Variants in NANOS3 observed in about 807,000 individuals in gnomAD.
NANOS3 encodes nanos C2HC-type zinc finger 3.
In NANOS3, 11 loss-of-function variants were observed where a neutral mutation model predicts 13.8. That is an observed-to-expected ratio of 0.80 (90% CI 0.50 to 1.32). The LOEUF is 1.32. NANOS3 is among the 40% of genes most tolerant of loss of function. The pLI, the probability that NANOS3 is intolerant of heterozygous loss-of-function variation, is 0.00. For missense variants in NANOS3, 221 were observed against 263.8 expected (o/e 0.84, Z 1.12); for synonymous variants, 119 against 115.4 (o/e 1.03, Z -0.20).
intron 1 of NANOS3, among the ~76,000 whole-genome samples, chr19:13,868,161 C>T (rs551931600): frequency 6.6e-6 from 1 of 151,856 alleles, no homozygotes; most frequent in Admixed American, 6.6e-5. Flanking sequence ...CAGGTTCAAG[C>T]GATTCTCCTG....
chr19:13,875,079 T>C, upstream of NANOS3: 1 of 402,574 alleles, frequency 2.5e-6, no homozygotes, highest in Non-Finnish European at 5.1e-6. Flanking sequence ...ACCACTCCTC[T>C]TTGGAGAGGA....
At chr19:13,873,859 C>T (rs1829258292), upstream of NANOS3, among the ~76,000 whole-genome samples, 1 of 111,928 alleles carries the variant, frequency 8.9e-6, no homozygotes, top group Admixed American at 1.0e-4. Flanking sequence ...GCTTGGCTTG[C>T]GGGGGGTGGG....
rs983969890 is a variant in NANOS3, at chr19:13,867,018, C to T, written n.21+1581C>T. Among the ~76,000 whole-genome samples, 9 of 152,088 alleles carry T rather than the reference C, an allele frequency of 5.9e-5. 1 individual carries two copies. The South Asian group carries it at 6.2e-4, about 11-fold the overall frequency. On this transcript the variant is annotated intron_variant and non_coding_transcript_variant, in intron 1 of 2. Coordinates refer to the NANOS3 transcript ENST00000591161. Reference sequence around the variant, plus strand: ...CTCTTGGCTGCCCAGGTTGGAATGCCGTGGCACGATCTCCCGGATTCAAGC... The same window carrying T: ...CTCTTGGCTGCCCAGGTTGGAATGCTGTGGCACGATCTCCCGGATTCAAGC...
At chr19:13,874,536 A>G (rs560847486), upstream of NANOS3, among the ~76,000 whole-genome samples, 1 of 152,300 alleles carries the variant, frequency 6.6e-6, no homozygotes, top group Non-Finnish European at 1.5e-5. Context: ...TTTATTTACT[A>G]GCATTTATAT....
Position 13,880,484 on chromosome 19 carries a change from C to G in NANOS3, c.560C>G (p.Ser187Cys). The G allele has an allele frequency of 1.9e-6, 3 of 1,613,960 alleles. No individual in the cohort carries two copies. The highest frequency in any genetic ancestry group is 2.5e-6 in the Non-Finnish European group (3 of 1,179,888). The change falls in exon 2 of 2, where the codon TCT (serine) becomes TGT (cysteine). Residue 187 changes from serine to cysteine, a missense_variant. Ser to Cys is a moderately radical substitution (Grantham distance 112). This residue lies in a region of NANOS3 where 60 missense variants were observed against 56.5 expected (regional missense o/e 1.06). Transcript: ENST00000339133. ...AAGTCTGAGCCTTCGCCCTCCTGCT[C>G]TCCCTCCATGTCCACCTAGGAGGCT... is the stretch of plus-strand genomic sequence containing the variant. Reference protein sequence around the residue: ...AGKSEPSPSCSPSMST With the variant: ...AGKSEPSPSCCPSMST
chr19:13,876,010 A>G (rs968872101), upstream of NANOS3, among the ~76,000 whole-genome samples: 4 of 152,104 alleles, frequency 2.6e-5, no homozygotes, highest in Admixed American at 6.6e-5. Context: ...CCAACTTGCT[A>G]TCCCCCACCT....
At chr19:13,879,350 C>G (rs916403092) in intron 1 of NANOS3, among the ~76,000 whole-genome samples, 2 of 152,164 alleles carry the variant, frequency 1.3e-5, no homozygotes, top group Admixed American at 6.5e-5. Context: ...CACTGCCTCC[C>G]CCAGCAGACT....
intron 1 of NANOS3, among the ~76,000 whole-genome samples, chr19:13,868,717 C>T (rs961696531): frequency 1.3e-5 from 2 of 151,774 alleles, no homozygotes; most frequent in African/African-American, 2.4e-5. Context: ...CCCTGTCTTC[C>T]CACACCTGAC....
At chr19:13,869,732 T>TG (rs1157108468) in intron 1 of NANOS3, among the ~76,000 whole-genome samples, 1 of 150,744 alleles carries the variant, frequency 6.6e-6, no homozygotes, top group Non-Finnish European at 1.5e-5. Context: ...CCCCACCCCG[T>TG]GTCCCCCTTC....
chr19:13,862,468 T>G (rs991540501), upstream of NANOS3, among the ~76,000 whole-genome samples: 1 of 151,704 alleles, frequency 6.6e-6, no homozygotes, highest in Non-Finnish European at 1.5e-5. Context: ...GCAGGACAGC[T>G]GGCCGGTCCT....
At chr19:13,866,979 T>G (rs1048957423) in intron 1 of NANOS3, among the ~76,000 whole-genome samples, 2 of 152,224 alleles carry the variant, frequency 1.3e-5, no homozygotes, top group South Asian at 4.1e-4. Context: ...CTTATTTATT[T>G]TGAGATGGAG....
chr19:13,866,291 C>G (rs1391744102), intron 1 of NANOS3, among the ~76,000 whole-genome samples: 1 of 152,086 alleles, frequency 6.6e-6, no homozygotes, highest in Non-Finnish European at 1.5e-5. Context: ...GAAAAGACAC[C>G]TCATTGGCTG....
rs778938311 is a variant in NANOS3, at chr19:13,877,354, C to A, written c.106C>A (p.Pro36Thr). Residue 36 changes from proline to threonine, a missense_variant, in exon 1 of 2, where the codon CCA becomes ACA. Coordinates refer to ENST00000339133, the MANE Select transcript of NANOS3 (RefSeq NM_001098622.3). ...PETRLSPQPE[P>T]EPMLEPVSAL... is the part of the protein sequence containing the mutation. ...AACCAGGCTGAGCCCCCAGCCAGAG[C>A]CAGAGCCAATGCTGGAGCCGGTGTC... 1.7e-5 allele frequency: 27 copies of A among 1,612,530 alleles called. No individual in the cohort carries two copies. In the South Asian group the frequency reaches 3.0e-4, roughly 18 times the overall value.
At chr19:13,874,941 C>T (rs1462735505), upstream of NANOS3, 1 of 531,542 alleles carries the variant, frequency 1.9e-6, no homozygotes, top group Non-Finnish European at 3.9e-6. Flanking sequence ...GTTGTGAGGA[C>T]TGAGGCCAGA....
At chr19:13,863,998 C>T (rs1976194234), upstream of NANOS3, among the ~76,000 whole-genome samples, 1 of 152,060 alleles carries the variant, frequency 6.6e-6, no homozygotes, top group South Asian at 2.1e-4. Flanking sequence ...TTTCTCCATC[C>T]CCCTCTCAGA....
chr19:13,866,773 G>A (rs1414678141), intron 1 of NANOS3, among the ~76,000 whole-genome samples: 1 of 151,992 alleles, frequency 6.6e-6, no homozygotes, highest in Non-Finnish European at 1.5e-5. Context: ...CACAGACTCC[G>A]ACTCCATCGT....
At chr19:13,867,308 G>A (rs966121692) in intron 1 of NANOS3, among the ~76,000 whole-genome samples, 5 of 151,856 alleles carry the variant, frequency 3.3e-5, no homozygotes, top group African/African-American at 9.7e-5. Flanking sequence ...GCAGTGGCAC[G>A]ATCTAGGCTC....
chr19:13,863,893 A>G (rs1370955215), upstream of NANOS3, among the ~76,000 whole-genome samples: 1 of 151,842 alleles, frequency 6.6e-6, no homozygotes, highest in African/African-American at 2.4e-5. Context: ...GTGGTGGAGG[A>G]GGCTGAAAGG....
At chr19:13,864,639 T>C (rs1389360000), upstream of NANOS3, among the ~76,000 whole-genome samples, 1 of 152,068 alleles carries the variant, frequency 6.6e-6, no homozygotes, top group African/African-American at 2.4e-5. Context: ...TTGGGGGGTA[T>C]ATCTCAGGTC....
Sources: allele counts gnomAD v4.1 joint callset (sites outside exome capture counted in the v4.1 genomes callset), GRCh38; gene constraint gnomAD v4.1.1; regional missense constraint gnomAD v4.1.1; transcripts MANE v1.5; gene names NCBI Gene and HGNC (gene_info 2026-07-23, HGNC 2026-07-21).